The following ADAMTS12 variants were observed in gnomAD, a reference collection of about 807,000 sequenced individuals.
ADAMTS12 encodes ADAM metallopeptidase with thrombospondin type 1 motif 12.
A neutral mutation model predicts 167.8 loss-of-function variants in ADAMTS12; 118 were observed. The ratio of observed to expected loss-of-function variants is 0.70; its 90% CI spans 0.61 to 0.82. The LOEUF is 0.82. Ranked by LOEUF, ADAMTS12 falls within the 40% of genes least tolerant of loss-of-function variation. The pLI is 0.00. For missense variants in ADAMTS12, 1,916 were observed against 1,998.8 expected (o/e 0.96, Z 0.79); for synonymous variants, 704 against 716.9 (o/e 0.98, Z 0.29).
At chr5:33,839,115 G>C (rs1424582827) in intron 2 of ADAMTS12, among the ~76,000 whole-genome samples, 1 of 152,198 alleles carries the variant, frequency 6.6e-6, no homozygotes, top group African/African-American at 2.4e-5. Flanking sequence ...AGGCAGAAGA[G>C]CGTTGAGATC....
chr5:33,746,594 C>T (rs989325001), intron 3 of ADAMTS12, among the ~76,000 whole-genome samples: 3 of 151,958 alleles, frequency 2.0e-5, no homozygotes, highest in Non-Finnish European at 4.4e-5. Context: ...TCCTCAGAGG[C>T]CAAAAGTAGA....
At chr5:33,820,939 T>C (rs894375244) in intron 2 of ADAMTS12, among the ~76,000 whole-genome samples, 6 of 152,046 alleles carry the variant, frequency 3.9e-5, no homozygotes, top group African/African-American at 7.2e-5. Context: ...CATGGACACA[T>C]AGAGGAAAAC....
chr5:33,550,478 A>T (rs1279704704), intron 20 of ADAMTS12, among the ~76,000 whole-genome samples: 4 of 152,064 alleles, frequency 2.6e-5, no homozygotes, highest in Non-Finnish European at 5.9e-5. Context: ...ATGGAGGCTA[A>T]CATCTGTGCT....
intron 16 of ADAMTS12, among the ~76,000 whole-genome samples, chr5:33,600,204 C>G (rs1244422277): frequency 2.0e-5 from 3 of 152,158 alleles, no homozygotes; most frequent in Admixed American, 1.3e-4. Context: ...ATTCTGAATG[C>G]CTTTCCCCAG....
intron 2 of ADAMTS12, among the ~76,000 whole-genome samples, chr5:33,843,578 T>C (rs1209310004): frequency 6.6e-6 from 1 of 152,190 alleles, no homozygotes; most frequent in Non-Finnish European, 1.5e-5. Context: ...AGTTACATCA[T>C]TGTCAGAGAA....
rs375366015 is a variant in ADAMTS12, at chr5:33,577,127, G to A, written c.2899C>T (p.Arg967Cys). 4.0e-5 allele frequency: 64 copies of A among 1,614,148 alleles called. No homozygotes were observed. Among genetic ancestry groups the A allele is most frequent in the Non-Finnish European group, 2.7e-5 (32 of 1,180,024 alleles). ...TGGTTCTTGGCACATGTGACACTGC[G>A]AATCCGCACTCCACCACCACAGGAA... ...SVSCGGGVRIRSVTCAKNHDE... is the reference protein window; with the variant it reads ...SVSCGGGVRICSVTCAKNHDE... Residue 967 changes from arginine (R) to cysteine (C), a missense_variant, in exon 19 of 24, where the codon CGC (arginine) becomes TGC (cysteine). Coordinates refer to ENST00000504830, the MANE Select transcript of ADAMTS12 (RefSeq NM_030955.4).
At chr5:33,635,397 G>GTGCTTAATGATGAGGCTGCAGAGTCAGGC in intron 12 of ADAMTS12, among the ~76,000 whole-genome samples, 1 of 152,236 alleles carries the variant, frequency 6.6e-6, no homozygotes, top group Middle Eastern at 3.4e-3. Context: ...GTGTGTTTTC[G>GTGCTTAATGATGAGGCTGCAGAGTCAGGC]TGCTTAATGA....
At chr5:33,868,913 T>G (rs1423002236) in intron 2 of ADAMTS12, among the ~76,000 whole-genome samples, 2 of 152,174 alleles carry the variant, frequency 1.3e-5, no homozygotes, top group Non-Finnish European at 2.9e-5. Flanking sequence ...GAAAGCAGAC[T>G]GTAAAAGTTT....
intron 2 of ADAMTS12, among the ~76,000 whole-genome samples, chr5:33,876,313 A>T (rs908768388): frequency 6.6e-6 from 1 of 152,222 alleles, no homozygotes; most frequent in Non-Finnish European, 1.5e-5. Flanking sequence ...ATGGAAGGAC[A>T]GAGAAACTAA....
At chr5:33,827,311 G>A (rs1292122322) in intron 2 of ADAMTS12, among the ~76,000 whole-genome samples, 1 of 151,644 alleles carries the variant, frequency 6.6e-6, no homozygotes, top group African/African-American at 2.4e-5. Context: ...AAAAGTCGAT[G>A]GTGTCACTGG....
chr5:33,644,590 T>A, intron 9 of ADAMTS12, among the ~76,000 whole-genome samples: 1 of 152,170 alleles, frequency 6.6e-6, no homozygotes. Context: ...TATATATTTA[T>A]TTTATTATCC....
intron 2 of ADAMTS12, among the ~76,000 whole-genome samples, chr5:33,868,745 T>C (rs1230526350): frequency 6.6e-6 from 1 of 152,214 alleles, no homozygotes; most frequent in Admixed American, 6.5e-5. Flanking sequence ...CAACACAAAT[T>C]TCTAAAATGT....
At chr5:33,753,984 G>A (rs188819787) in intron 2 of ADAMTS12, among the ~76,000 whole-genome samples, 1 of 152,340 alleles carries the variant, frequency 6.6e-6, no homozygotes, top group Non-Finnish European at 1.5e-5. Context: ...GGAATAGGTA[G>A]GAGAGGGGAT....
At chr5:33,749,596 G>A (rs1419018633) in intron 3 of ADAMTS12, among the ~76,000 whole-genome samples, 1 of 152,074 alleles carries the variant, frequency 6.6e-6, no homozygotes, top group Non-Finnish European at 1.5e-5. Flanking sequence ...AATTCCACCT[G>A]GTGGAAATTC....
intron 5 of ADAMTS12, among the ~76,000 whole-genome samples, chr5:33,675,269 T>A (rs1488411886): frequency 6.6e-6 from 1 of 152,138 alleles, no homozygotes; most frequent in Non-Finnish European, 1.5e-5. Context: ...GATCAAGCAG[T>A]AGTGAGAACC....
At chr5:33,801,923 A>T (rs189515171) in intron 2 of ADAMTS12, among the ~76,000 whole-genome samples, 12 of 152,294 alleles carry the variant, frequency 7.9e-5, no homozygotes, top group Admixed American at 2.0e-4. Context: ...TCCCTCCAAA[A>T]TGTATGTTAA....
chr5:33,560,762 G>T (rs1745703128), intron 20 of ADAMTS12, among the ~76,000 whole-genome samples: 1 of 117,500 alleles, frequency 8.5e-6, no homozygotes, highest in East Asian at 2.7e-4. Context: ...ACACACCGGG[G>T]CCTGTTGTGG....
At chr5:33,723,225 G>T (rs1015922823) in intron 3 of ADAMTS12, among the ~76,000 whole-genome samples, 2 of 152,134 alleles carry the variant, frequency 1.3e-5, no homozygotes, top group South Asian at 2.1e-4. Context: ...TTGTGTAAAG[G>T]TTTTGAGAAG....
At chr5:33,609,354 T>C (rs1310732891) in intron 16 of ADAMTS12, among the ~76,000 whole-genome samples, 1 of 147,940 alleles carries the variant, frequency 6.8e-6, no homozygotes, top group Non-Finnish European at 1.5e-5. Context: ...AAATTCATTA[T>C]ATTAAAAATT....
Sources: allele counts gnomAD v4.1 joint callset (sites outside exome capture counted in the v4.1 genomes callset), GRCh38; gene constraint gnomAD v4.1.1; transcripts MANE v1.5; gene names NCBI Gene and HGNC (gene_info 2026-07-23, HGNC 2026-07-21).